FILIP1L: variants seen among roughly 807,000 people sequenced by gnomAD.
FILIP1L encodes the protein filamin A-interacting protein 1-like.
FILIP1L carries 55 observed loss-of-function variants against 96.6 expected under a neutral mutation model. That is an observed-to-expected ratio of 0.57 (90% CI 0.46 to 0.71). The LOEUF (loss-of-function observed/expected upper bound fraction) is 0.71. Among genes scored for constraint, FILIP1L ranks in the 30% least tolerant of loss-of-function variants. FILIP1L has a pLI of 0.00. For missense variants in FILIP1L, 1,304 were observed against 1,321.2 expected (o/e 0.99, Z 0.20); for synonymous variants, 467 against 473.9 (o/e 0.99, Z 0.19).
At chr3:99,904,916 A>G (rs996228298) in intron 4 of FILIP1L, among the ~76,000 whole-genome samples, 1 of 151,778 alleles carries the variant, frequency 6.6e-6, no homozygotes, top group African/African-American at 2.4e-5. Flanking sequence ...CATCCTCACC[A>G]CCTTCTTTGG....
intron 4 of FILIP1L, among the ~76,000 whole-genome samples, chr3:99,875,292 A>C (rs1705454741): frequency 6.6e-6 from 1 of 152,192 alleles, no homozygotes; most frequent in Non-Finnish European, 1.5e-5. Flanking sequence ...TTTAGATGTA[A>C]CTAATTATGG....
intron 1 of FILIP1L, among the ~76,000 whole-genome samples, chr3:100,017,834 A>C (rs776310479): frequency 2.6e-5 from 4 of 152,192 alleles, no homozygotes; most frequent in Non-Finnish European, 5.9e-5. Context: ...CTTCAGATCC[A>C]GACTGGAATC....
intron 1 of FILIP1L, among the ~76,000 whole-genome samples, chr3:100,108,997 G>A (rs1248581104): frequency 6.6e-6 from 1 of 151,768 alleles, no homozygotes; most frequent in Non-Finnish European, 1.5e-5. Context: ...TGGTCCCATG[G>A]CTTTTTCAAT....
At chr3:100,062,745 G>A (rs1483267045) in intron 1 of FILIP1L, among the ~76,000 whole-genome samples, 4 of 152,200 alleles carry the variant, frequency 2.6e-5, no homozygotes, top group African/African-American at 9.7e-5. Flanking sequence ...TCCTGGCTGA[G>A]ATGTCGTTGT....
chr3:99,901,431 G>T (rs1278005171), intron 4 of FILIP1L, among the ~76,000 whole-genome samples: 2 of 152,136 alleles, frequency 1.3e-5, no homozygotes, highest in African/African-American at 4.8e-5. Flanking sequence ...ATGCACTTTT[G>T]TAATTTTCCT....
intron 1 of FILIP1L, among the ~76,000 whole-genome samples, chr3:100,066,418 G>C (rs1352911952): frequency 6.7e-6 from 1 of 149,448 alleles, no homozygotes; most frequent in African/African-American, 2.5e-5. Flanking sequence ...GCAGTCATTT[G>C]CCATGTGGTG....
rs1364993601 is a variant in FILIP1L at position 99,929,674 on chromosome 3, T to G, written c.426+182A>C. Among the ~76,000 whole-genome samples, 2 of 152,212 alleles carry G rather than the reference T, an allele frequency of 1.3e-5. 1 individual carries two copies. The highest frequency in any genetic ancestry group is 1.3e-4 in the Admixed American group (2 of 15,280). On this transcript the variant is annotated intron_variant, in intron 3 of 5. Coordinates refer to ENST00000477258, the MANE Select transcript of FILIP1L (RefSeq NM_001387850.1). ...AGCAACAAACCTAGTGGACGCATCC[T>G]GTCTATGGTTCATTCTTTTTAACTT... is the stretch of plus-strand genomic sequence containing the variant.
Position 99,849,063 on chromosome 3 carries a change from G to T in FILIP1L, c.2613C>A (p.Gly871=). 1 of 1,614,084 alleles carries T rather than the reference G, an allele frequency of 6.2e-7. No homozygotes were observed. The highest frequency in any genetic ancestry group is 1.1e-5 in the South Asian group (1 of 91,064). Residue 871 remains glycine, a synonymous_variant, in exon 5 of 6, where the codon GGC becomes GGA. Coordinates refer to ENST00000477258, the MANE Select transcript of FILIP1L (RefSeq NM_001387850.1). The part of the protein sequence containing the change: ...LWIPWMKSKE[G]HLQNGKMQTK... ...TTTGCATTTTTCCATTCTGAAGATG[G>T]CCCTCCTTGGATTTCATCCAGGGAA...
In FILIP1L at chr3:100,033,362, G is replaced by A. The variant is rs1238043733; in HGVS notation, c.-11+80691C>T. Among the ~76,000 whole-genome samples the A allele has an allele frequency of 2.0e-5, 3 of 152,288 alleles. No individual in the cohort carries two copies. The East Asian group carries it at 5.8e-4, about 29-fold the overall frequency. On this transcript the variant is annotated intron_variant, in intron 1 of 5. Coordinates refer to ENST00000477258, the MANE Select transcript of FILIP1L (RefSeq NM_001387850.1). Reference sequence around the variant, plus strand: ...GTGGCAGCCAATGGAAAACCCACAAGCTCAGCAGCTGCAGCTCTGGAAGGC... The same window carrying A: ...GTGGCAGCCAATGGAAAACCCACAAACTCAGCAGCTGCAGCTCTGGAAGGC...
chr3:99,960,361 G>A (rs887842217), intron 1 of FILIP1L, among the ~76,000 whole-genome samples: 16 of 152,130 alleles, frequency 1.1e-4, no homozygotes, highest in African/African-American at 3.6e-4. Flanking sequence ...GAACCTGGAT[G>A]TCAGATCAAA....
intron 4 of FILIP1L, among the ~76,000 whole-genome samples, chr3:99,907,555 T>C (rs1706659676): frequency 6.6e-6 from 1 of 152,266 alleles, no homozygotes; most frequent in Non-Finnish European, 1.5e-5. Context: ...CGTACCCCTT[T>C]ATTTTGACAT....
chr3:100,082,623 CAG>C (rs934785069), intron 1 of FILIP1L, among the ~76,000 whole-genome samples: 32 of 152,174 alleles, frequency 2.1e-4, no homozygotes, highest in African/African-American at 6.8e-4. Context: ...CTCTGGGAAA[CAG>C]GGTCCCACAG....
chr3:99,889,328 T>C (rs1706010349), intron 4 of FILIP1L, among the ~76,000 whole-genome samples: 1 of 152,136 alleles, frequency 6.6e-6, no homozygotes, highest in Admixed American at 6.5e-5. Flanking sequence ...TCATATTATA[T>C]AATAACCCTT....
chr3:100,069,231 A>T (rs1166819757), intron 1 of FILIP1L, among the ~76,000 whole-genome samples: 1 of 152,140 alleles, frequency 6.6e-6, no homozygotes, highest in Non-Finnish European at 1.5e-5. Flanking sequence ...ATTTCTGCAC[A>T]TGGATGTTAG....
chr3:99,946,757 G>A (rs1481939125), intron 1 of FILIP1L, among the ~76,000 whole-genome samples: 1 of 152,144 alleles, frequency 6.6e-6, no homozygotes, highest in African/African-American at 2.4e-5. Flanking sequence ...CTTATTTTTA[G>A]CCTTTAGTAG....
chr3:100,027,238 A>G (rs1050747872), intron 1 of FILIP1L, among the ~76,000 whole-genome samples: 9 of 152,130 alleles, frequency 5.9e-5, no homozygotes, highest in African/African-American at 2.2e-4. Context: ...TTTCTGCACT[A>G]GAATGTAGAT....
chr3:99,913,855 C>A (rs997380168), intron 4 of FILIP1L, among the ~76,000 whole-genome samples: 1 of 152,138 alleles, frequency 6.6e-6, no homozygotes, highest in South Asian at 2.1e-4. Flanking sequence ...CTTGCTAATG[C>A]GTTTCTTCTG....
intron 1 of FILIP1L, among the ~76,000 whole-genome samples, chr3:100,100,274 A>T (rs1428581859): frequency 6.6e-6 from 1 of 152,208 alleles, no homozygotes; most frequent in Non-Finnish European, 1.5e-5. Flanking sequence ...AACAGGACTT[A>T]GAATGAGGAG....
intron 1 of FILIP1L, among the ~76,000 whole-genome samples, chr3:99,934,826 C>T (rs1429109299): frequency 6.6e-6 from 1 of 152,178 alleles, no homozygotes; most frequent in Non-Finnish European, 1.5e-5. Context: ...TGACCTGAAA[C>T]ATTTTTATAC....
Sources: allele counts gnomAD v4.1 joint callset (sites outside exome capture counted in the v4.1 genomes callset), GRCh38; gene constraint gnomAD v4.1.1; transcripts MANE v1.5; gene names NCBI Gene and HGNC (gene_info 2026-07-23, HGNC 2026-07-21).